The following PPARGC1B variants were observed in gnomAD, a reference collection of about 807,000 sequenced individuals.
The protein encoded by PPARGC1B is PPARG coactivator 1 beta.
A neutral mutation model predicts 101.6 loss-of-function variants in PPARGC1B; 34 were observed. The ratio of observed to expected loss-of-function variants is 0.33; its 90% CI spans 0.25 to 0.45. PPARGC1B has a LOEUF of 0.45. Among genes scored for constraint, PPARGC1B ranks in the 20% least tolerant of loss-of-function variants. PPARGC1B has a pLI of 1.00. For synonymous variants in PPARGC1B, 548 were observed against 539.3 expected, an observed-to-expected ratio of 1.02 and a Z score of -0.22; for missense variants, 1,234 against 1,317.6, an observed-to-expected ratio of 0.94 and a Z score of 0.98.
chr5:149,783,158 C>T (rs925148250), intron 1 of PPARGC1B, among the ~76,000 whole-genome samples: 2 of 152,032 alleles, frequency 1.3e-5, no homozygotes, highest in East Asian at 1.9e-4. Flanking sequence ...CATTTGTTCC[C>T]CTCCTGCCAT....
chr5:149,847,389 C>A, intron 11 of PPARGC1B, 69 bp from the exon 12 acceptor site: 1 of 1,196,870 alleles, frequency 8.4e-7, no homozygotes, highest in Non-Finnish European at 1.3e-6. Context: ...GCAGATTCTT[C>A]AACCATCCGG....
downstream of PPARGC1B, among the ~76,000 whole-genome samples, chr5:149,856,071 C>T (rs1287475745): frequency 2.6e-5 from 4 of 151,780 alleles, no homozygotes; most frequent in East Asian, 5.8e-4. Context: ...GAGCCAAGGT[C>T]GTGGCAACAG....
At chr5:149,769,534 C>T (rs1178772222) in intron 1 of PPARGC1B, among the ~76,000 whole-genome samples, 1 of 152,202 alleles carries the variant, frequency 6.6e-6, no homozygotes, top group Admixed American at 6.5e-5. Flanking sequence ...ACCCCCTACT[C>T]CCCGGCCATG....
intron 1 of PPARGC1B, chr5:149,817,770 G>A (rs1363052208): frequency 2.2e-6 from 1 of 456,750 alleles, no homozygotes; most frequent in Non-Finnish European, 4.4e-6. Context: ...GCTGATGGGA[G>A]TGTACAAAGT....
At chr5:149,785,176 C>T (rs1401048526) in intron 1 of PPARGC1B, among the ~76,000 whole-genome samples, 1 of 152,214 alleles carries the variant, frequency 6.6e-6, no homozygotes, top group Non-Finnish European at 1.5e-5. Flanking sequence ...ATGTGGCCAG[C>T]CCCTCCTGGG....
intron 1 of PPARGC1B, among the ~76,000 whole-genome samples, chr5:149,766,799 C>T (rs527250831): frequency 6.6e-6 from 1 of 152,324 alleles, no homozygotes; most frequent in South Asian, 2.1e-4. Context: ...CTCACTGCTC[C>T]CTGTCCCCCC....
intron 1 of PPARGC1B, among the ~76,000 whole-genome samples, chr5:149,768,813 G>T (rs946440251): frequency 6.6e-6 from 1 of 152,062 alleles, no homozygotes; most frequent in African/African-American, 2.4e-5. Flanking sequence ...ACCATGCCTG[G>T]CATAATTTTT....
At chr5:149,758,094 G>A (rs1403383727) in intron 1 of PPARGC1B, among the ~76,000 whole-genome samples, 1 of 152,224 alleles carries the variant, frequency 6.6e-6, no homozygotes, top group African/African-American at 2.4e-5. Flanking sequence ...CGCTGTCTGT[G>A]GTTAGCACCA....
chr5:149,772,017 A>G, intron 1 of PPARGC1B: 1 of 1,477,630 alleles, frequency 6.8e-7, no homozygotes, highest in Non-Finnish European at 9.0e-7. Context: ...GCAGGCTCAG[A>G]GAAGTGAAGG....
At chr5:149,828,227 T>C (rs1758604355) in intron 3 of PPARGC1B, among the ~76,000 whole-genome samples, 1 of 152,200 alleles carries the variant, frequency 6.6e-6, no homozygotes, top group South Asian at 2.1e-4. Context: ...ACAGAATATG[T>C]TCAGTCCCAC....
In PPARGC1B at chr5:149,730,758, T is replaced by C. The variant is rs893004120; in HGVS notation, c.78+338T>C. 6.6e-6 allele frequency among the ~76,000 whole-genome samples: 1 copy of C among 152,174 alleles called. No homozygotes were observed. Among genetic ancestry groups the C allele is most frequent in the African/African-American group, 2.4e-5 (1 of 41,458 alleles). On this transcript the variant is annotated intron_variant, in intron 1 of 11. Transcript: ENST00000309241. The surrounding 1 kb of genome is among the most constrained non-coding windows in gnomAD (Gnocchi z 4.0). Reference sequence around the variant, plus strand: ...GCCACGGTGTGGGGTACCCTCAGGCTGGCGCTGGGTGCTGGAGGCGCGCCG... The same window carrying C: ...GCCACGGTGTGGGGTACCCTCAGGCCGGCGCTGGGTGCTGGAGGCGCGCCG...
Position 149,833,190 on chromosome 5 carries a change from T to TCAAGGC in PPARGC1B, c.1119_1124dup (p.Arg376_Pro377dup), listed in dbSNP as rs747110269. On this transcript the variant is annotated inframe_insertion, in exon 5 of 12. Transcript: ENST00000309241. This position sits in a 1 kb window ranked among gnomAD's most constrained non-coding sequence, Gnocchi z 4.1. ...TGTTTATGCCTCCCTCACACCTCGGTCAAGGCCCAGGCCCCCCAAAGACAG... is the reference window on the plus strand; with the variant it reads ...TGTTTATGCCTCCCTCACACCTCGGTCAAGGCCAAGGCCCAGGCCCCCCAAAGACAG... 37 of 1,613,216 alleles carry TCAAGGC rather than the reference T, an allele frequency of 2.3e-5. No individual in the cohort carries two copies. The Middle Eastern group carries it at 8.2e-4, about 36-fold the overall frequency.
chr5:149,813,726 C>A (rs1268153487), intron 1 of PPARGC1B, among the ~76,000 whole-genome samples: 6 of 152,198 alleles, frequency 3.9e-5, no homozygotes, highest in Non-Finnish European at 8.8e-5. Context: ...TCTGTTTCTG[C>A]TTCTGTAACA....
intron 1 of PPARGC1B, among the ~76,000 whole-genome samples, chr5:149,774,605 C>G (rs964834923): frequency 6.6e-6 from 1 of 151,776 alleles, no homozygotes; most frequent in Admixed American, 6.6e-5. Context: ...ATTCATTCAT[C>G]TAGCATGCAG....
At chr5:149,755,046 C>CATATATATATATATATATAT (rs1385735590) in intron 1 of PPARGC1B, among the ~76,000 whole-genome samples, 65 of 105,546 alleles carry the variant, frequency 6.2e-4, no homozygotes, top group African/African-American at 2.4e-3. Context: ...TATACATATA[C>CATATATATATATATATATAT]ATATACATAT....
intron 1 of PPARGC1B, among the ~76,000 whole-genome samples, chr5:149,747,192 TG>T (rs1755122899): frequency 6.6e-6 from 1 of 152,238 alleles, no homozygotes; most frequent in Admixed American, 6.5e-5. Flanking sequence ...AGGAAGCCTT[TG>T]CCTGCTTTGT....
intron 1 of PPARGC1B, among the ~76,000 whole-genome samples, chr5:149,810,513 C>CACAGCA (rs1757813248): frequency 6.6e-6 from 1 of 152,222 alleles, no homozygotes; most frequent in Non-Finnish European, 1.5e-5. Flanking sequence ...CTCACCCCGA[C>CACAGCA]ACAGCAACGA....
chr5:149,836,779 T>C lies in PPARGC1B; in HGVS notation c.2324T>C (p.Leu775Pro). 6.2e-7 allele frequency: 1 copy of C among 1,613,638 alleles called. No homozygotes were observed. Reference protein sequence around the residue: ...TKHFGLLETALEEEDLASCKS... With the variant: ...TKHFGLLETAPEEEDLASCKS... ...CACTTTGGGCTGCTGGAGACCGCCC[T>C]GGAGGAGGAAGACCTGGCCTCCTGC... The change falls in exon 8 of 12, where the codon CTG (leucine) becomes CCG (proline). Residue 775 changes from leucine (L) to proline (P), a missense_variant. Coordinates refer to ENST00000309241, the MANE Select transcript of PPARGC1B (RefSeq NM_133263.4).
At chr5:149,738,904 C>T (rs906871949) in intron 1 of PPARGC1B, among the ~76,000 whole-genome samples, 1 of 152,204 alleles carries the variant, frequency 6.6e-6, no homozygotes, top group Non-Finnish European at 1.5e-5. Context: ...CTCTAGAAAG[C>T]CTTTGAAGCT....
Sources: allele counts gnomAD v4.1 joint callset (sites outside exome capture counted in the v4.1 genomes callset), GRCh38; gene constraint gnomAD v4.1.1; non-coding constraint Gnocchi (gnomAD v3.1); transcripts MANE v1.5; gene names NCBI Gene and HGNC (gene_info 2026-07-23, HGNC 2026-07-21).